The following GRM5 variants were observed in gnomAD, a reference collection of about 807,000 sequenced individuals.
GRM5 encodes the protein glutamate metabotropic receptor 5.
Under a neutral mutation model 83.1 loss-of-function variants are expected in GRM5, and 19 were observed. The ratio of observed to expected loss-of-function variants is 0.23; its 90% CI spans 0.16 to 0.34. GRM5 has a LOEUF of 0.34. GRM5 is among the 10% of genes least tolerant of loss of function. The pLI is 1.00. For missense variants in GRM5, 1,160 were observed against 1,588.3 expected, an observed-to-expected ratio of 0.73 and a Z score of 4.58; for synonymous variants, 675 against 633.6, an observed-to-expected ratio of 1.07 and a Z score of -0.98.
At chr11:89,061,043 CA>C (rs1295329309) in intron 1 of GRM5, among the ~76,000 whole-genome samples, 1 of 151,978 alleles carries the variant, frequency 6.6e-6, no homozygotes, top group African/African-American at 2.4e-5. Flanking sequence ...TCAATATATC[CA>C]ACCTCTAAAC....
At chr11:89,019,314 C>T (rs997000822) in intron 2 of GRM5, among the ~76,000 whole-genome samples, 2 of 152,060 alleles carry the variant, frequency 1.3e-5, no homozygotes, top group Non-Finnish European at 2.9e-5. Flanking sequence ...GTTTATGTTA[C>T]ACTTGATCAC....
chr11:88,593,792 CTTTTTCTCTT>C (rs1937717520), intron 6 of GRM5, among the ~76,000 whole-genome samples: 1 of 40,400 alleles, frequency 2.5e-5, no homozygotes, highest in Non-Finnish European at 1.4e-4. Flanking sequence ...CTCTTTCTCT[CTTTTTCTCTT>C]TCTTTCTTTT....
intron 4 of GRM5, among the ~76,000 whole-genome samples, chr11:88,619,842 T>C (rs59363798): frequency 0.046 from 7,010 of 152,136 alleles, 292 homozygotes; most frequent in African/African-American, 0.12. Context: ...AGGGAAGGGA[T>C]CCAAGTATTT....
chr11:88,570,319 T>G (rs1942960701), intron 7 of GRM5, among the ~76,000 whole-genome samples: 1 of 151,790 alleles, frequency 6.6e-6, no homozygotes, highest in Admixed American at 6.6e-5. Context: ...TAGCTCAGAC[T>G]AAATATAACT....
chr11:88,668,687 A>G (rs1940114961), intron 3 of GRM5, among the ~76,000 whole-genome samples: 1 of 152,122 alleles, frequency 6.6e-6, no homozygotes, highest in African/African-American at 2.4e-5. Context: ...GTCTTAACAA[A>G]TTTTTCACTG....
chr11:88,991,622 G>C (rs1312422923), intron 2 of GRM5, among the ~76,000 whole-genome samples: 2 of 149,816 alleles, frequency 1.3e-5, no homozygotes, highest in East Asian at 2.0e-4. Flanking sequence ...ATACTACAAG[G>C]CTACAGTAAC....
intron 4 of GRM5, among the ~76,000 whole-genome samples, chr11:88,637,320 A>C (rs10831202): frequency 0.082 from 12,359 of 151,378 alleles, 1,183 homozygotes; most frequent in African/African-American, 0.24. Context: ...TAATTAAACT[A>C]AAGAGCTTCT....
intron 3 of GRM5, among the ~76,000 whole-genome samples, chr11:88,791,896 TTTC>T (rs1410524879): frequency 1.3e-5 from 2 of 152,148 alleles, no homozygotes; most frequent in Non-Finnish European, 2.9e-5. Flanking sequence ...ATGTCATTAA[TTTC>T]TTATTTAATA....
At chr11:88,680,031 T>C (rs1002534244) in intron 3 of GRM5, among the ~76,000 whole-genome samples, 1 of 152,186 alleles carries the variant, frequency 6.6e-6, no homozygotes, top group African/African-American at 2.4e-5. Flanking sequence ...GCTGTTGTGC[T>C]GGTAATCTAT....
Position 88,947,547 on chromosome 11 carries a change from C to T in GRM5, c.662-97392G>A, listed in dbSNP as rs574406959. On this transcript the variant is annotated intron_variant, in intron 2 of 9. Transcript: ENST00000305447. ...CTTGCATTGTTAGTTTTTTTTTTTT[C>T]CCTATTATCCCTCTCTAATCTTTGC... 6.5e-4 allele frequency among the ~76,000 whole-genome samples: 97 copies of T among 148,404 alleles called. 2 individuals carry two copies. The highest frequency in any genetic ancestry group is 1.8e-3 in the African/African-American group (74 of 40,438).
intron 3 of GRM5, among the ~76,000 whole-genome samples, chr11:88,722,829 A>AGTT (rs1941579584): frequency 6.6e-6 from 1 of 152,136 alleles, no homozygotes; most frequent in African/African-American, 2.4e-5. Context: ...ATTGTAGAAT[A>AGTT]GTTGTTACAA....
intron 3 of GRM5, among the ~76,000 whole-genome samples, chr11:88,681,810 C>A (rs572975484): frequency 6.6e-6 from 1 of 151,606 alleles, no homozygotes; most frequent in African/African-American, 2.4e-5. Flanking sequence ...ACCTTATGAT[C>A]CACCCACCTC....
At chr11:88,851,155 G>A (rs1318451229) in intron 2 of GRM5, among the ~76,000 whole-genome samples, 3 of 151,996 alleles carry the variant, frequency 2.0e-5, no homozygotes, top group Non-Finnish European at 2.9e-5. Flanking sequence ...AATTACATCC[G>A]CATTTCTCTT....
chr11:88,881,085 G>A (rs188359082), intron 2 of GRM5, among the ~76,000 whole-genome samples: 1 of 151,982 alleles, frequency 6.6e-6, no homozygotes, highest in East Asian at 1.9e-4. Flanking sequence ...CCCTTAGTAG[G>A]ATTTATATAG....
At chr11:89,030,356 C>T (rs1481280356) in intron 2 of GRM5, among the ~76,000 whole-genome samples, 1 of 152,032 alleles carries the variant, frequency 6.6e-6, no homozygotes, top group Non-Finnish European at 1.5e-5. Context: ...GTGGTAATCT[C>T]AAAATATCAA....
chr11:88,659,286 G>T (rs902939540), intron 3 of GRM5, among the ~76,000 whole-genome samples: 1 of 152,110 alleles, frequency 6.6e-6, no homozygotes, highest in South Asian at 2.1e-4. Flanking sequence ...AATATGAGTT[G>T]GGATCTGTGA....
At chr11:88,559,258 A>G (rs890830297) in intron 8 of GRM5, among the ~76,000 whole-genome samples, 2 of 152,156 alleles carry the variant, frequency 1.3e-5, no homozygotes, top group Non-Finnish European at 2.9e-5. Context: ...TGCAGGGAGC[A>G]GTTTTCAAGG....
In GRM5 at chr11:88,738,689, T is replaced by C. The variant is rs931245081; in HGVS notation, c.912-85286A>G. Among the ~76,000 whole-genome samples, 9 of 152,240 alleles carry C rather than the reference T, an allele frequency of 5.9e-5. No homozygotes were observed. In the South Asian group the frequency reaches 6.2e-4, roughly 10 times the overall value. Reference sequence around the variant, plus strand: ...ACCTCATCTAACACAGTCACTCTTATACATCTCTGTTTACCAATCTTGACA... The same window carrying C: ...ACCTCATCTAACACAGTCACTCTTACACATCTCTGTTTACCAATCTTGACA... On this transcript the variant is annotated intron_variant, in intron 3 of 9. Transcript: ENST00000305447.
chr11:88,597,542 C>T (rs570113377), intron 5 of GRM5, among the ~76,000 whole-genome samples, 190 bp from the exon 6 acceptor site: 10 of 152,110 alleles, frequency 6.6e-5, no homozygotes, highest in African/African-American at 2.2e-4. Flanking sequence ...CATTTTTGTA[C>T]TTTCAAGCTT....
Sources: gnomAD v4.1 joint callset for allele counts (sites outside exome capture counted in the v4.1 genomes callset) on GRCh38, gnomAD v4.1.1 for gene constraint, MANE v1.5 for transcripts, NCBI Gene and HGNC (gene_info 2026-07-23, HGNC 2026-07-21) for gene names.